EYA2: variants seen among roughly 807,000 people sequenced by gnomAD.
EYA2 encodes protein phosphatase EYA2.
Under a neutral mutation model 69.2 loss-of-function variants are expected in EYA2, and 31 were observed. The ratio of observed to expected loss-of-function variants is 0.45; its 90% CI spans 0.34 to 0.60. EYA2 has a LOEUF of 0.60. Ranked by LOEUF, EYA2 falls within the 20% of genes least tolerant of loss-of-function variation. The pLI, the probability that EYA2 is intolerant of heterozygous loss-of-function variation, is 0.02. For synonymous variants in EYA2, 257 were observed against 279.4 expected (o/e 0.92, Z 0.80); for missense variants, 622 against 701.2 (o/e 0.89, Z 1.28).
Position 47,105,547 on chromosome 20 carries a change from C to A in EYA2, c.888+8379C>A, listed in dbSNP as rs557358567. Among the ~76,000 whole-genome samples the A allele has an allele frequency of 9.3e-5, 14 of 150,110 alleles. No homozygotes were observed. The East Asian group carries it at 2.8e-3, about 30-fold the overall frequency. On this transcript the variant is annotated intron_variant, in intron 9 of 15. Transcript: ENST00000327619. ...GGCTGAGACAGGAGAATCACTTGAA[C>A]CTGGGAGGCGGAGGTTGCAATGAGC...
At chr20:47,159,951 T>G (rs2034030214) in intron 10 of EYA2, among the ~76,000 whole-genome samples, 2 of 152,096 alleles carry the variant, frequency 1.3e-5, no homozygotes, top group South Asian at 4.2e-4. Context: ...GAAGCCACTG[T>G]GTGGGCAGTG....
At chr20:47,010,173 A>G (rs1982968230) in intron 4 of EYA2, among the ~76,000 whole-genome samples, 1 of 152,228 alleles carries the variant, frequency 6.6e-6, no homozygotes, top group African/African-American at 2.4e-5. Flanking sequence ...TGCATTCTTC[A>G]CTATCCTGGA....
intron 5 of EYA2, among the ~76,000 whole-genome samples, chr20:47,057,139 G>GAGGGAGGAAGGAAGGAAGGA (rs372743294): frequency 3.4e-4 from 44 of 129,180 alleles, no homozygotes; most frequent in African/African-American, 1.3e-3. Flanking sequence ...AGGAAGGAGG[G>GAGGGAGGAAGGAAGGAAGGA]AGGAAGGAAG....
chr20:47,047,449 C>T (rs931313585), intron 5 of EYA2, among the ~76,000 whole-genome samples: 6 of 150,746 alleles, frequency 4.0e-5, no homozygotes, highest in Non-Finnish European at 8.8e-5. Flanking sequence ...TGCAGTGGCG[C>T]GATCTCAGCT....
chr20:47,091,754 A>G (rs1184987310), intron 8 of EYA2, among the ~76,000 whole-genome samples: 1 of 152,176 alleles, frequency 6.6e-6, no homozygotes, highest in African/African-American at 2.4e-5. Context: ...CAAAAAAAAG[A>G]AACCAGTTCT....
In EYA2 at chr20:47,170,389, G is replaced by A. The variant is rs916177371; in HGVS notation, c.1037+1192G>A. 2.0e-5 allele frequency among the ~76,000 whole-genome samples: 3 copies of A among 151,802 alleles called. 1 individual carries two copies. Among genetic ancestry groups the A allele is most frequent in the Admixed American group, 1.3e-4 (2 of 15,218 alleles). On this transcript the variant is annotated intron_variant, in intron 11 of 15. Coordinates refer to ENST00000327619, the MANE Select transcript of EYA2 (RefSeq NM_005244.5). ...AGGCCGGGTGTGGTGGCTCACGCCT[G>A]TAATCCCAGCACTTTGGGAGGCCAA... is the stretch of plus-strand genomic sequence containing the variant.
chr20:47,173,169 G>A lies in EYA2; in HGVS notation c.1198+302G>A, dbSNP rs550848673. Among the ~76,000 whole-genome samples the A allele has an allele frequency of 2.7e-3, 404 of 152,214 alleles. 2 individuals are homozygous for A. The highest frequency in any genetic ancestry group is 4.6e-3 in the Non-Finnish European group (315 of 68,014). On this transcript the variant is annotated intron_variant, in intron 12 of 15. Coordinates refer to ENST00000327619, the MANE Select transcript of EYA2 (RefSeq NM_005244.5). ...CACAGCCAGAGGCTCTCACAGTGTG[G>A]TCCTCCAAGTAGCAGCGACAGCATC...
rs1983403335 is a variant in EYA2 at position 47,016,241 on chromosome 20, G to C, written c.359G>C (p.Gly120Ala). ...SPGQSGFLSY[G>A]SSFSTSPTGQ... The stretch of plus-strand genomic sequence containing the variant: ...GGCCAGAGTGGATTCCTCAGCTATG[G>C]CTCCAGCTTCAGCACCTCACCCACT... Residue 120 changes from glycine to alanine, a missense_variant, in exon 5 of 16, where the codon GGC (glycine) becomes GCC (alanine). Around this residue, in one of 2 missense-constraint regions of EYA2, gnomAD observed 365 missense variants for 349.7 expected, o/e 1.04. Transcript: ENST00000327619. 1 of 1,614,074 alleles carries C rather than the reference G, an allele frequency of 6.2e-7. No individual in the cohort carries two copies. Among genetic ancestry groups the C allele is most frequent in the Non-Finnish European group, 8.5e-7 (1 of 1,180,014 alleles).
chr20:46,940,121 C>T (rs1478515995), intron 1 of EYA2, among the ~76,000 whole-genome samples: 1 of 152,188 alleles, frequency 6.6e-6, no homozygotes, highest in African/African-American at 2.4e-5. Flanking sequence ...AAGAAAGGCT[C>T]AATCTGGCCC....
intron 9 of EYA2, chr20:47,117,359 C>G (rs1161279264): frequency 2.0e-6 from 2 of 984,448 alleles, no homozygotes; most frequent in African/African-American, 3.5e-5. Context: ...ACACATTCAT[C>G]TGTGAGGTGA....
intron 10 of EYA2, chr20:47,161,446 T>G (rs992347925): frequency 1.6e-5 from 7 of 434,088 alleles, no homozygotes; most frequent in South Asian, 1.3e-4. Flanking sequence ...AAAAAGTCAA[T>G]GATCTCAAAC....
chr20:47,049,114 G>T (rs1168342404), intron 5 of EYA2, among the ~76,000 whole-genome samples: 1 of 152,180 alleles, frequency 6.6e-6, no homozygotes, highest in African/African-American at 2.4e-5. Context: ...TTCAAACTCA[G>T]TCAGTCCCTA....
At chr20:47,136,957 CTT>C (rs2033491583) in intron 9 of EYA2, among the ~76,000 whole-genome samples, 1 of 152,192 alleles carries the variant, frequency 6.6e-6, no homozygotes, top group Admixed American at 6.5e-5. Context: ...TCTACAGCGT[CTT>C]TGTCTGATCC....
intron 9 of EYA2, among the ~76,000 whole-genome samples, chr20:47,130,431 AT>A (rs894974311): frequency 1.3e-5 from 2 of 151,134 alleles, no homozygotes; most frequent in South Asian, 2.1e-4. Context: ...CGCCCCGCTA[AT>A]TTTTTTGTAT....
chr20:47,107,536 A>AG (rs2146534931), intron 9 of EYA2, among the ~76,000 whole-genome samples: 1 of 148,672 alleles, frequency 6.7e-6, no homozygotes, highest in East Asian at 2.0e-4. Flanking sequence ...AAAAAAAAAA[A>AG]AAAAAGAAAG....
intron 2 of EYA2, among the ~76,000 whole-genome samples, chr20:46,990,649 T>G (rs6012092): frequency 0.057 from 8,678 of 152,328 alleles, 648 homozygotes; most frequent in East Asian, 0.28. Context: ...TAGTTTTCAC[T>G]AGAACAATTC....
At chr20:46,903,381 A>G (rs747090112) in intron 1 of EYA2, among the ~76,000 whole-genome samples, 2 of 152,206 alleles carry the variant, frequency 1.3e-5, no homozygotes, top group African/African-American at 4.8e-5. Flanking sequence ...CGCACTAGGC[A>G]TATAGGACTT....
At chr20:47,012,991 G>A (rs963456791) in intron 4 of EYA2, among the ~76,000 whole-genome samples, 7 of 152,198 alleles carry the variant, frequency 4.6e-5, no homozygotes, top group African/African-American at 1.7e-4. Context: ...GTGCGCCTTT[G>A]CCATTTTCAT....
chr20:47,089,325 C>G lies in EYA2; in HGVS notation c.748C>G (p.Arg250Gly). 2 of 1,614,070 alleles carry G rather than the reference C, an allele frequency of 1.2e-6. No individual in the cohort carries two copies. Among genetic ancestry groups the G allele is most frequent in the Non-Finnish European group, 1.7e-6 (2 of 1,179,986 alleles). The stretch of plus-strand genomic sequence containing the variant: ...GCACCGGGCCTCCGACGGGAAGCTC[C>G]GAGGCCGGTCTAAGAGGAGCAGTGA... ...RPHRASDGKLRGRSKRSSDPS... is the reference protein window; with the variant it reads ...RPHRASDGKLGGRSKRSSDPS... Residue 250 changes from arginine (R) to glycine (G), a missense_variant, in exon 8 of 16, where the codon CGA (arginine) becomes GGA (glycine). Physicochemically the swap from Arg to Gly is moderately radical, Grantham distance 125 (BLOSUM62 -2). Transcript: ENST00000327619.
Sources: gnomAD v4.1 joint callset for allele counts (sites outside exome capture counted in the v4.1 genomes callset) on GRCh38, gnomAD v4.1.1 for gene constraint, gnomAD v4.1.1 regional missense constraint, MANE v1.5 for transcripts, NCBI Gene and HGNC (gene_info 2026-07-23, HGNC 2026-07-21) for gene names.